CLCN7: variants seen among roughly 807,000 people sequenced by gnomAD.
CLCN7 encodes the protein Cl-/H+ antiporter 7.
A neutral mutation model predicts 102.1 loss-of-function variants in CLCN7; 60 were observed. That is an observed-to-expected ratio of 0.59 (90% CI 0.48 to 0.73). CLCN7 has a LOEUF of 0.73. Among genes scored for constraint, CLCN7 ranks in the 30% least tolerant of loss-of-function variants. The probability of loss-of-function intolerance (pLI) is 0.00; values close to 1 mark genes in which losing one functional copy is unlikely to be tolerated. For synonymous variants in CLCN7, 560 were observed against 490.5 expected (o/e 1.14, Z -1.87); for missense variants, 962 against 1,125.7 (o/e 0.85, Z 2.08).
intron 9 of CLCN7, among the ~76,000 whole-genome samples, 187 bp from the exon 10 acceptor site, chr16:1,456,393 C>T (rs2038835863): frequency 6.6e-6 from 1 of 152,224 alleles, no homozygotes; most frequent in Non-Finnish European, 1.5e-5. Flanking sequence ...TCAGCACCAC[C>T]ACCGGCAGCC....
chr16:1,445,778 C>T lies in CLCN7; in HGVS notation c.*853G>A, dbSNP rs543930400. 44 of 156,082 alleles carry T rather than the reference C, an allele frequency of 2.8e-4. No individual in the cohort carries two copies. Among genetic ancestry groups the T allele is most frequent in the Non-Finnish European group, 5.1e-4 (36 of 70,682 alleles). The allele number at this position is 156,082 out of a possible 1,614,324, so 9.7% of individuals were successfully genotyped here. A position where few individuals can be genotyped will look rare whatever the true frequency, so the allele number is the denominator to read the frequency against. On this transcript the variant is annotated 3_prime_UTR_variant, in exon 25 of 25. Coordinates refer to ENST00000382745, the MANE Select transcript of CLCN7 (RefSeq NM_001287.6). Reference sequence around the variant, plus strand: ...AGGTCACCCTCGAGGCCGGGGTCCCCATGTGCTAGGGGAAGACCTGCCTTC... The same window carrying T: ...AGGTCACCCTCGAGGCCGGGGTCCCTATGTGCTAGGGGAAGACCTGCCTTC...
Position 1,447,369 on chromosome 16 carries a change from C to T in CLCN7, c.2250+23G>A, listed in dbSNP as rs1007158105. The T allele has an allele frequency of 5.5e-5, 84 of 1,540,542 alleles. 1 individual carries two copies. The highest frequency in any genetic ancestry group is 6.1e-6 in the Non-Finnish European group (7 of 1,141,812). On this transcript the variant is annotated intron_variant, in intron 23 of 24. Transcript: ENST00000382745. ...TGCTGTTCAGTCCCAGGCCCCACGC[C>T]CATGCCCATGCCCTGCACATGCCTG...
intron 1 of CLCN7, among the ~76,000 whole-genome samples, chr16:1,465,967 C>G (rs989024438): frequency 5.3e-5 from 8 of 152,232 alleles, no homozygotes; most frequent in Non-Finnish European, 8.8e-5. Context: ...TCTCCGGCTC[C>G]TTACTAGAGC....
intron 6 of CLCN7, 146 bp from the exon 7 acceptor site, chr16:1,459,333 C>A: frequency 3.2e-6 from 2 of 626,222 alleles, no homozygotes; most frequent in Non-Finnish European, 5.7e-6. Flanking sequence ...AACGTCGGGG[C>A]CCCAGGGAAG....
At chr16:1,464,543 G>A (rs1465252121) in intron 2 of CLCN7, among the ~76,000 whole-genome samples, 3 of 152,252 alleles carry the variant, frequency 2.0e-5, no homozygotes, top group Non-Finnish European at 2.9e-5. Flanking sequence ...GCACGGCGCC[G>A]GCCTCGGGAG....
intron 13 of CLCN7, 123 bp from the exon 14 acceptor site, chr16:1,454,017 G>T: frequency 2.3e-6 from 2 of 862,772 alleles, no homozygotes; most frequent in South Asian, 1.4e-5. Flanking sequence ...CAGGGGGCTA[G>T]GGGGTCCTGG....
At chr16:1,453,732 G>A (rs1194754878) in intron 14 of CLCN7, 102 bp downstream of exon 14, 32 of 1,107,896 alleles carry the variant, frequency 2.9e-5, no homozygotes, top group Admixed American at 5.1e-5. Context: ...CCTTTCTTTC[G>A]GCTGTGGCCT....
chr16:1,474,796 G>T, intron 1 of CLCN7, 38 bp downstream of exon 1: 1 of 1,284,570 alleles, frequency 7.8e-7, no homozygotes, highest in South Asian at 2.2e-5. Flanking sequence ...GGGCGCACGA[G>T]GGCTCAGTTT....
Position 1,457,115 on chromosome 16 carries a change from G to T in CLCN7, c.822+139C>A. The T allele has an allele frequency of 1.2e-6, 1 of 813,676 alleles. No homozygotes were observed. The allele number at this position is 813,676 out of a possible 1,614,324, so 50.4% of individuals were successfully genotyped here. A position where few individuals can be genotyped will look rare whatever the true frequency, so the allele number is the denominator to read the frequency against. ...GGCAGGGACTGTGCCCGCTGGCTCT[G>T]GGAGCCACCCGCCAGGCTGTCCTCA... On this transcript the variant is annotated intron_variant, in intron 9 of 24. Transcript: ENST00000382745. This position sits in a 1 kb window ranked among gnomAD's most constrained non-coding sequence, Gnocchi z 5.4.
rs1366052343 is a variant in CLCN7, at chr16:1,446,340, T to G, written c.*291A>C. 1.4e-6 allele frequency: 1 copy of G among 701,856 alleles called. No individual in the cohort carries two copies. The highest frequency in any genetic ancestry group is 1.5e-5 in the South Asian group (1 of 67,568). 43.5% of individuals were successfully genotyped at this position (701,856 alleles called of 1,614,324 possible). The stretch of plus-strand genomic sequence containing the variant: ...GGCTCCCAAGAGGCCGATAGCCCGG[T>G]AGGGAGGTCACACACACACAGCTGA... On this transcript the variant is annotated 3_prime_UTR_variant, in exon 25 of 25. Coordinates refer to ENST00000382745, the MANE Select transcript of CLCN7 (RefSeq NM_001287.6).
At chr16:1,454,256 G>A (rs887815461) in intron 13 of CLCN7, among the ~76,000 whole-genome samples, 155 bp downstream of exon 13, 38 of 152,356 alleles carry the variant, frequency 2.5e-4, no homozygotes, top group African/African-American at 7.5e-4. Context: ...CACTCCCCAC[G>A]TGTACTGCCC....
chr16:1,450,471 A>T, intron 17 of CLCN7, 26 bp downstream of exon 17: 1 of 1,574,774 alleles, frequency 6.4e-7, no homozygotes, highest in Non-Finnish European at 8.6e-7. Flanking sequence ...GCAGGGCCCC[A>T]CAGCCTCCCC....
At position 1,447,061 on chromosome 16, in the gene CLCN7, T is replaced by C. The variant is rs2142364984; in HGVS notation, c.2276A>G (p.Lys759Arg). ...CCGCAGGCCCAGGGCCCGGAACAGC[T>C]TGAACACCCGTGGGAGCGACGCCTC... ...PQEASLPRVF[K>R]LFRALGLRHL... The change falls in exon 24 of 25, where the codon AAG becomes AGG. Residue 759 changes from lysine to arginine, a missense_variant. Lys to Arg is a conservative substitution (Grantham distance 26). This residue lies in a region of CLCN7 where 799 missense variants were observed against 988.0 expected (regional missense o/e 0.81). Transcript: ENST00000382745. The C allele has an allele frequency of 1.2e-5, 19 of 1,602,550 alleles. No individual in the cohort carries two copies. The highest frequency in any genetic ancestry group is 2.2e-5 in the East Asian group (1 of 44,676).
In CLCN7 at chr16:1,457,237, A is replaced by C; in HGVS notation, c.822+17T>G. On this transcript the variant is annotated intron_variant, in intron 9 of 24. Coordinates refer to ENST00000382745, the MANE Select transcript of CLCN7 (RefSeq NM_001287.6). The surrounding 1 kb of genome is among the most constrained non-coding windows in gnomAD (Gnocchi z 5.4). ...CCCATGGCATCTGGAGCCCACCCAC[A>C]CAAGATTTCAACTCACCTTGAAATC... 1 of 1,612,450 alleles carries C rather than the reference A, an allele frequency of 6.2e-7. No individual in the cohort carries two copies. Among genetic ancestry groups the C allele is most frequent in the Non-Finnish European group, 8.5e-7 (1 of 1,178,684 alleles).
intron 7 of CLCN7, 52 bp downstream of exon 7, chr16:1,459,055 C>T (rs1567271063): frequency 2.0e-5 from 29 of 1,472,048 alleles, no homozygotes; most frequent in Non-Finnish European, 2.6e-5. Context: ...TGCTCCTGAA[C>T]CAGCAAAGAG....
chr16:1,463,210 A>G (rs1443407627), intron 2 of CLCN7, among the ~76,000 whole-genome samples: 1 of 152,230 alleles, frequency 6.6e-6, no homozygotes, highest in Non-Finnish European at 1.5e-5. Flanking sequence ...AAAAGGGATG[A>G]AAGACCTAAA....
intron 1 of CLCN7, 63 bp from the exon 2 acceptor site, chr16:1,465,401 C>G: frequency 6.9e-7 from 1 of 1,454,332 alleles, no homozygotes; most frequent in African/African-American, 1.4e-5. Context: ...CGTGGATTCT[C>G]ACTCCCGCCG....
At chr16:1,447,186 G>T in intron 23 of CLCN7, 100 bp from the exon 24 acceptor site, 1 of 1,276,006 alleles carries the variant, frequency 7.8e-7, no homozygotes, top group Non-Finnish European at 1.1e-6. Flanking sequence ...CGGCGTCCAG[G>T]CACGTCCTGA....
In CLCN7 at chr16:1,447,529, G is replaced by A. The variant is rs763267020; in HGVS notation, c.2113C>T (p.Arg705Cys). The A allele has an allele frequency of 1.2e-5, 19 of 1,555,652 alleles. No homozygotes were observed. Among genetic ancestry groups the A allele is most frequent in the East Asian group, 4.8e-5 (2 of 41,250 alleles). Reference sequence around the variant, plus strand: ...TCTCGGAAGTCCTTCAGCCTCAGGCGCCGCTGTACCAGGCCCAGGTTGGAC... The same window carrying A: ...TCTCGGAAGTCCTTCAGCCTCAGGCACCGCTGTACCAGGCCCAGGTTGGAC... ...ERSNLGLVQR[R>C]LRLKDFRDAY... The change falls in exon 23 of 25, where the codon CGC becomes TGC. Residue 705 changes from arginine to cysteine, a missense_variant. Physicochemically the swap from Arg to Cys is radical, Grantham distance 180. Coordinates refer to ENST00000382745, the MANE Select transcript of CLCN7 (RefSeq NM_001287.6).
Sources: gnomAD v4.1 joint callset for allele counts (sites outside exome capture counted in the v4.1 genomes callset) on GRCh38, gnomAD v4.1.1 for gene constraint, gnomAD v4.1.1 regional missense constraint, Gnocchi (gnomAD v3.1) non-coding constraint, MANE v1.5 for transcripts, NCBI Gene and HGNC (gene_info 2026-07-23, HGNC 2026-07-21) for gene names.